IL1RAPL1: variants seen among roughly 807,000 people sequenced by gnomAD.
IL1RAPL1 encodes the protein interleukin 1 receptor accessory protein like 1, also known as interleukin-1 receptor accessory protein-like 1.
A neutral mutation model predicts 48.4 loss-of-function variants in IL1RAPL1; 3 were observed. The ratio of observed to expected loss-of-function variants is 0.06; its 90% CI spans 0.03 to 0.16. IL1RAPL1 has a LOEUF of 0.16. Ranked by LOEUF, IL1RAPL1 falls within the 10% of genes least tolerant of loss-of-function variation. The pLI is 1.00. For missense variants in IL1RAPL1, 349 were observed against 530.6 expected, an observed-to-expected ratio of 0.66 and a Z score of 3.36; for synonymous variants, 185 against 187.7, an observed-to-expected ratio of 0.99 and a Z score of 0.12.
chrX:29,319,160 GTCTA>G (rs200758095), intron 3 of IL1RAPL1, among the ~76,000 whole-genome samples: 20,742 of 84,747 alleles, frequency 0.24, 2,457 homozygotes, highest in Non-Finnish European at 0.31. Flanking sequence ...CTATCTGTCT[GTCTA>G]TCTATCTATC....
intron 5 of IL1RAPL1, among the ~76,000 whole-genome samples, chrX:29,662,884 G>A (rs1419320215): frequency 9.0e-6 from 1 of 111,664 alleles, no homozygotes; most frequent in Non-Finnish European, 1.9e-5. Flanking sequence ...ATGACTCCGT[G>A]GTTAGTCACC....
At chrX:29,783,065 C>T (rs1039556173) in intron 6 of IL1RAPL1, among the ~76,000 whole-genome samples, 4 of 106,473 alleles carry the variant, frequency 3.8e-5, no homozygotes, top group Non-Finnish European at 7.8e-5. Context: ...CCACTACGCC[C>T]GGCTAATTTT....
At chrX:29,567,043 A>G (rs919847531) in intron 5 of IL1RAPL1, among the ~76,000 whole-genome samples, 2 of 111,844 alleles carry the variant, frequency 1.8e-5, no homozygotes, top group Non-Finnish European at 3.8e-5. Context: ...AAGAAGGAAT[A>G]TTTGAATTGA....
At chrX:29,401,847 A>C (rs1457310106) in intron 5 of IL1RAPL1, among the ~76,000 whole-genome samples, 1 of 111,312 alleles carries the variant, frequency 9.0e-6, no homozygotes, top group Non-Finnish European at 1.9e-5. Flanking sequence ...AACAGATCAC[A>C]GTGAAAGGAA....
chrX:29,901,224 A>G (rs1413422128), intron 6 of IL1RAPL1, among the ~76,000 whole-genome samples: 2 of 112,045 alleles, frequency 1.8e-5, no homozygotes, highest in Non-Finnish European at 3.8e-5. Flanking sequence ...ACATGGCCAC[A>G]TGTAGCTGCA....
In IL1RAPL1 at chrX:29,861,323, C is replaced by G. The variant is rs139288767; in HGVS notation, c.779-56141C>G. Among the ~76,000 whole-genome samples, 337 of 111,449 alleles carry G rather than the reference C, an allele frequency of 3.0e-3. 2 individuals carry two copies. The highest frequency in any genetic ancestry group is 2.9e-3 in the Non-Finnish European group (153 of 53,087). The stretch of plus-strand genomic sequence containing the variant: ...AACCCCTATTCCTGAGCTCTACCCC[C>G]AGAGAAATGCAATCCAAATCTCTAA... On this transcript the variant is annotated intron_variant, in intron 6 of 10. Transcript: ENST00000378993.
At chrX:29,179,991 G>A (rs957248147) in intron 2 of IL1RAPL1, among the ~76,000 whole-genome samples, 6 of 109,336 alleles carry the variant, frequency 5.5e-5, no homozygotes, top group African/African-American at 2.0e-4. Context: ...CTACTCGTGA[G>A]CACTACTGGC....
chrX:29,649,018 A>C (rs897009662), intron 5 of IL1RAPL1, among the ~76,000 whole-genome samples: 7 of 111,942 alleles, frequency 6.3e-5, no homozygotes, highest in Middle Eastern at 4.6e-3. Flanking sequence ...ATCTAGGAGA[A>C]ATGAATATAT....
At chrX:29,656,590 C>A (rs959954652) in intron 5 of IL1RAPL1, among the ~76,000 whole-genome samples, 12 of 110,549 alleles carry the variant, frequency 1.1e-4, no homozygotes. Flanking sequence ...CTGTGAATGC[C>A]ATTATTTCAT....
At chrX:29,321,661 G>A (rs1412142795) in intron 3 of IL1RAPL1, among the ~76,000 whole-genome samples, 3 of 111,829 alleles carry the variant, frequency 2.7e-5, no homozygotes, top group Non-Finnish European at 5.6e-5. Context: ...TATGTCATGT[G>A]TCTACTTTTG....
At chrX:29,715,482 G>A (rs1166894719) in intron 6 of IL1RAPL1, among the ~76,000 whole-genome samples, 1 of 111,576 alleles carries the variant, frequency 9.0e-6, no homozygotes, top group Non-Finnish European at 1.9e-5. Context: ...TCTCTCCTCA[G>A]GGTAGACCAC....
At position 29,954,553 on chromosome X, in the gene IL1RAPL1, C is replaced by T; in HGVS notation, c.1233C>T (p.Tyr411=). ...AAGATTATGATGCATACTTATCATA[C>T]ACCAAAGTGGATCCTGACCAGTGGA... is the stretch of plus-strand genomic sequence containing the variant. ...DNKDYDAYLS[Y]TKVDPDQWNQ... is the part of the protein sequence containing the mutation. The change falls in exon 10 of 11, where the codon TAC becomes TAT. Residue 411 remains tyrosine (Y), a synonymous_variant. Transcript: ENST00000378993. 8.3e-7 allele frequency: 1 copy of T among 1,210,339 alleles called. No individual in the cohort carries two copies. The highest frequency in any genetic ancestry group is 1.1e-6 in the Non-Finnish European group (1 of 894,144).
chrX:28,953,931 A>T (rs1924536276), intron 2 of IL1RAPL1, among the ~76,000 whole-genome samples: 1 of 111,590 alleles, frequency 9.0e-6, no homozygotes, highest in Non-Finnish European at 1.9e-5. Flanking sequence ...AAGATTTGAA[A>T]GTGACTCATG....
At chrX:29,187,306 G>A (rs1435500977) in intron 2 of IL1RAPL1, among the ~76,000 whole-genome samples, 1 of 111,435 alleles carries the variant, frequency 9.0e-6, no homozygotes, top group Non-Finnish European at 1.9e-5. Context: ...TATGACATGT[G>A]TAAGACTTGA....
At chrX:29,915,877 C>G (rs1368330526) in intron 6 of IL1RAPL1, among the ~76,000 whole-genome samples, 3 of 73,651 alleles carry the variant, frequency 4.1e-5, no homozygotes, top group African/African-American at 1.5e-4. Context: ...TTAGGTATAT[C>G]TCCCAATGCT....
intron 6 of IL1RAPL1, among the ~76,000 whole-genome samples, chrX:29,802,968 CATAT>C (rs1360105155): frequency 1.2e-5 from 1 of 82,469 alleles, no homozygotes; most frequent in Non-Finnish European, 2.3e-5. Context: ...TACATGTGTA[CATAT>C]ATACATACAT....
chrX:29,780,619 A>G (rs886087421), intron 6 of IL1RAPL1, among the ~76,000 whole-genome samples: 1 of 111,430 alleles, frequency 9.0e-6, no homozygotes, highest in African/African-American at 3.3e-5. Flanking sequence ...TAAAGGGAAA[A>G]TCAGGCAGCA....
At chrX:28,828,324 C>T (rs1248799821) in intron 2 of IL1RAPL1, among the ~76,000 whole-genome samples, 1 of 111,664 alleles carries the variant, frequency 9.0e-6, no homozygotes, top group African/African-American at 3.2e-5. Context: ...TAAAATATAA[C>T]ACGTTTCTAG....
chrX:29,015,912 T>C (rs1054318051), intron 2 of IL1RAPL1, among the ~76,000 whole-genome samples: 1 of 111,947 alleles, frequency 8.9e-6, no homozygotes, highest in Middle Eastern at 4.2e-3. Context: ...ACCAAACACC[T>C]TGTTTGTGTG....
Sources: allele counts gnomAD v4.1 joint callset (sites outside exome capture counted in the v4.1 genomes callset), GRCh38; gene constraint gnomAD v4.1.1; transcripts MANE v1.5; gene names NCBI Gene and HGNC (gene_info 2026-07-23, HGNC 2026-07-21).